The following CORIN variants were observed in gnomAD, a reference collection of about 807,000 sequenced individuals.
CORIN encodes atrial natriuretic peptide-converting enzyme.
CORIN carries 117 observed loss-of-function variants against 125.3 expected under a neutral mutation model. That is an observed-to-expected ratio of 0.93 (90% CI 0.80 to 1.09). The LOEUF is 1.09. CORIN is among the 50% of genes least tolerant of loss of function. CORIN has a pLI of 0.00. For synonymous variants in CORIN, 450 were observed against 466.4 expected, an observed-to-expected ratio of 0.96 and a Z score of 0.45; for missense variants, 1,253 against 1,306.7, an observed-to-expected ratio of 0.96 and a Z score of 0.63.
intron 12 of CORIN, among the ~76,000 whole-genome samples, chr4:47,658,561 G>A (rs1724100315): frequency 6.6e-6 from 1 of 152,226 alleles, no homozygotes; most frequent in African/African-American, 2.4e-5. Flanking sequence ...GATGTTCTCT[G>A]AGCCATGGCT....
In CORIN at chr4:47,693,051, C is replaced by G. The variant is rs759035700; in HGVS notation, c.832G>C (p.Ala278Pro). 1 of 1,613,514 alleles carries G rather than the reference C, an allele frequency of 6.2e-7. No individual in the cohort carries two copies. Among genetic ancestry groups the G allele is most frequent in the East Asian group, 2.2e-5 (1 of 44,870 alleles). The change falls in exon 6 of 22, where the codon GCC becomes CCC. Residue 278 changes from alanine (A) to proline (P), a missense_variant. Ala to Pro is a conservative substitution (Grantham distance 27, BLOSUM62 -1). Coordinates refer to ENST00000273857, the MANE Select transcript of CORIN (RefSeq NM_006587.4). The part of the protein sequence containing the change: ...LCGRGENFLC[A>P]SGICIPGKLQ... ...TTCCCGGGGATGCAGATTCCACTGGCACACAGAAAGTTCTCACCCCTTCCA... is the reference window on the plus strand; with the variant it reads ...TTCCCGGGGATGCAGATTCCACTGGGACACAGAAAGTTCTCACCCCTTCCA...
rs539679919 is a variant in CORIN, at chr4:47,595,620, T to C, written c.*101A>G. ...GTGCACGATTGAGCATTTCTGTCCA[T>C]GAAAAGTGCTTCTGTACAGCTCTCT... On this transcript the variant is annotated 3_prime_UTR_variant, in exon 22 of 22. Coordinates refer to ENST00000273857, the MANE Select transcript of CORIN (RefSeq NM_006587.4). 2.5e-6 allele frequency: 2 copies of C among 812,422 alleles called. No individual in the cohort carries two copies. The highest frequency in any genetic ancestry group is 1.7e-5 in the African/African-American group (1 of 57,786). 50.3% of individuals were successfully genotyped at this position (812,422 alleles called of 1,614,324 possible).
chr4:47,783,128 C>G (rs935781009), intron 3 of CORIN, among the ~76,000 whole-genome samples: 8 of 151,758 alleles, frequency 5.3e-5, no homozygotes, highest in African/African-American at 1.9e-4. Flanking sequence ...ATCTTTTACC[C>G]AAAAGATCTT....
chr4:47,708,577 C>A (rs548642917), intron 5 of CORIN, among the ~76,000 whole-genome samples: 7 of 152,246 alleles, frequency 4.6e-5, no homozygotes, highest in African/African-American at 1.7e-4. Flanking sequence ...GGTCATTATT[C>A]TCCCTACCAC....
intron 7 of CORIN, chr4:47,680,611 G>T (rs1725233881): frequency 4.8e-6 from 1 of 206,646 alleles, no homozygotes; most frequent in Non-Finnish European, 9.8e-6. Context: ...ACTGTGATTT[G>T]TGTTTCACAA....
At chr4:47,812,084 A>C (rs531764065) in intron 1 of CORIN, among the ~76,000 whole-genome samples, 5 of 152,356 alleles carry the variant, frequency 3.3e-5, no homozygotes, top group African/African-American at 1.2e-4. Context: ...TTAATGAAAT[A>C]TGATATAATT....
chr4:47,640,129 T>C (rs942829878), intron 16 of CORIN, among the ~76,000 whole-genome samples: 5 of 152,230 alleles, frequency 3.3e-5, no homozygotes, highest in Non-Finnish European at 7.3e-5. Context: ...GAATTTTATA[T>C]ATCTAAAGAT....
At position 47,680,216 on chromosome 4, in the gene CORIN, C is replaced by T. The variant is rs762017474; in HGVS notation, c.1057G>A (p.Gly353Arg). Residue 353 changes from glycine to arginine, a missense_variant, in exon 8 of 22, where the codon GGG (glycine) becomes AGG (arginine). Physicochemically the swap from Gly to Arg is moderately radical, Grantham distance 125. Transcript: ENST00000273857. ...ACCCACTCCATGGCGATGCAGCGCC[C>T]GTCCCCGCAGCGATGCTCTGTTGTG... is the stretch of plus-strand genomic sequence containing the variant. ...NPTTEHRCGD[G>R]RCIAMEWVCD... 36 of 1,613,830 alleles carry T rather than the reference C, an allele frequency of 2.2e-5. No individual in the cohort carries two copies. The East Asian group carries it at 4.2e-4, about 19-fold the overall frequency.
intron 12 of CORIN, among the ~76,000 whole-genome samples, chr4:47,660,776 CA>C (rs895749364): frequency 1.3e-5 from 2 of 152,124 alleles, no homozygotes; most frequent in South Asian, 2.1e-4. Flanking sequence ...AGAGGCTTCT[CA>C]AAAAACTAAA....
At chr4:47,833,962 G>A (rs1223353243) in intron 1 of CORIN, among the ~76,000 whole-genome samples, 3 of 152,104 alleles carry the variant, frequency 2.0e-5, no homozygotes, top group Non-Finnish European at 4.4e-5. Context: ...ATGTAAATTG[G>A]TGCAACCATT....
At chr4:47,788,584 T>C (rs1156450291) in intron 2 of CORIN, among the ~76,000 whole-genome samples, 1 of 152,236 alleles carries the variant, frequency 6.6e-6, no homozygotes, top group Non-Finnish European at 1.5e-5. Context: ...ATGTGATAGG[T>C]TTAATTACTA....
At chr4:47,826,011 C>T (rs369767698) in intron 1 of CORIN, among the ~76,000 whole-genome samples, 138 of 152,230 alleles carry the variant, frequency 9.1e-4, no homozygotes, top group African/African-American at 3.2e-3. Context: ...CCAACCATTG[C>T]TTTTTTCTGC....
At chr4:47,832,611 A>T (rs893031011) in intron 1 of CORIN, among the ~76,000 whole-genome samples, 4 of 151,386 alleles carry the variant, frequency 2.6e-5, no homozygotes, top group Admixed American at 6.6e-5. Context: ...CGCCCTGGTA[A>T]TTTTTTTGTA....
chr4:47,809,231 G>A (rs1731940642), intron 1 of CORIN, among the ~76,000 whole-genome samples: 1 of 152,056 alleles, frequency 6.6e-6, no homozygotes, highest in African/African-American at 2.4e-5. Context: ...CTGGACTCCT[G>A]GAGCCAGATA....
At chr4:47,691,716 C>T (rs921811618) in intron 6 of CORIN, among the ~76,000 whole-genome samples, 5 of 151,490 alleles carry the variant, frequency 3.3e-5, no homozygotes, top group Non-Finnish European at 7.4e-5. Context: ...AGAAGTAGAC[C>T]TGATAGTATT....
Position 47,623,734 on chromosome 4 carries a change from G to T in CORIN, c.2377C>A (p.Arg793Ser), listed in dbSNP as rs375618006. The T allele has an allele frequency of 7.4e-6, 12 of 1,614,038 alleles. No individual in the cohort carries two copies. In the South Asian group the frequency reaches 1.3e-4, roughly 18 times the overall value. The change falls in exon 19 of 22, where the codon CGC becomes AGC. Residue 793 changes from arginine (R) to serine (S), a missense_variant. Transcript: ENST00000273857. The stretch of plus-strand genomic sequence containing the variant: ...CTTTTGTTCATTCGGGCAGCAGGGC[G>T]GCGCCCACAGTCTACCAAGGAGCAG... ...LLCTKQDCGR[R>S]PAARMNKRIL...
rs200820944 is a variant in CORIN at position 47,705,069 on chromosome 4, T to C, written c.800-11986A>G. Among the ~76,000 whole-genome samples the C allele has an allele frequency of 3.5e-3, 529 of 152,310 alleles. 4 individuals carry two copies. Among genetic ancestry groups the C allele is most frequent in the Non-Finnish European group, 6.5e-3 (442 of 68,028 alleles). On this transcript the variant is annotated intron_variant, in intron 5 of 21. Transcript: ENST00000273857. ...TTGCGACTGAGTAAATCTGAAATAATGAAATCCCACTTCTACCAATGATTA... is the reference window on the plus strand; with the variant it reads ...TTGCGACTGAGTAAATCTGAAATAACGAAATCCCACTTCTACCAATGATTA...
At chr4:47,636,508 T>C (rs557978633) in intron 16 of CORIN, among the ~76,000 whole-genome samples, 102 of 152,300 alleles carry the variant, frequency 6.7e-4, no homozygotes, top group Non-Finnish European at 5.9e-4. Flanking sequence ...TCATCTTGAA[T>C]TGTAACTCCC....
chr4:47,758,553 C>T (rs1729300314), intron 4 of CORIN, among the ~76,000 whole-genome samples: 1 of 152,182 alleles, frequency 6.6e-6, no homozygotes, highest in Non-Finnish European at 1.5e-5. Context: ...CTGGAGGCAT[C>T]ACACTACCTA....
Sources: allele counts gnomAD v4.1 joint callset (sites outside exome capture counted in the v4.1 genomes callset), GRCh38; gene constraint gnomAD v4.1.1; transcripts MANE v1.5; gene names NCBI Gene and HGNC (gene_info 2026-07-23, HGNC 2026-07-21).